Variants in USH2A observed in about 807,000 individuals in gnomAD.
The protein encoded by USH2A is Usher syndrome 2A (autosomal recessive, mild).
USH2A carries 443 observed loss-of-function variants against 538.9 expected under a neutral mutation model. The observed-to-expected ratio is 0.82, with a 90% CI of 0.76 to 0.89. USH2A has a LOEUF of 0.89. Among genes scored for constraint, USH2A ranks in the 40% least tolerant of loss-of-function variants. The probability of loss-of-function intolerance (pLI) is 0.00; values close to 1 mark genes in which losing one functional copy is unlikely to be tolerated. For missense variants in USH2A, 6,633 were observed against 6,324.8 expected, an observed-to-expected ratio of 1.05 and a Z score of -1.65; for synonymous variants, 2,413 against 2,273.5, an observed-to-expected ratio of 1.06 and a Z score of -1.75.
rs111464326 is a variant in USH2A at position 215,858,548 on chromosome 1, C to G, written c.8845+8459G>C. On this transcript the variant is annotated intron_variant, in intron 44 of 71. Coordinates refer to ENST00000307340, the MANE Select transcript of USH2A (RefSeq NM_206933.4). ...TGCCATGATCGTAAGTTTCCTGAGG[C>G]CTTTCCAGCCATGCAGAACTGTGGG... Among the ~76,000 whole-genome samples the G allele has an allele frequency of 6.3e-3, 952 of 150,202 alleles. 11 individuals carry two copies. Among genetic ancestry groups the G allele is most frequent in the African/African-American group, 0.022 (889 of 40,408 alleles).
chr1:216,292,432 G>T, intron 9 of USH2A, 62 bp from the exon 10 acceptor site: 1 of 1,542,102 alleles, frequency 6.5e-7, no homozygotes, highest in Non-Finnish European at 8.9e-7. Flanking sequence ...TCATTTTATT[G>T]ATATGTTAGG....
At chr1:215,943,641 A>G (rs948182443) in intron 37 of USH2A, among the ~76,000 whole-genome samples, 3 of 152,202 alleles carry the variant, frequency 2.0e-5, no homozygotes, top group Non-Finnish European at 2.9e-5. Flanking sequence ...AATGGCTCAC[A>G]GTCAACTAAG....
At chr1:215,938,410 GGC>G (rs1390364631) in intron 37 of USH2A, among the ~76,000 whole-genome samples, 2 of 152,204 alleles carry the variant, frequency 1.3e-5, no homozygotes, top group Non-Finnish European at 2.9e-5. Flanking sequence ...CCTCAATATG[GGC>G]GGGGAGGGGT....
intron 35 of USH2A, among the ~76,000 whole-genome samples, chr1:215,987,042 G>A (rs1667888025): frequency 6.6e-6 from 1 of 151,992 alleles, no homozygotes; most frequent in South Asian, 2.1e-4. Context: ...TATATTTTTA[G>A]TTAGTATTTA....
chr1:215,785,952 C>T (rs932451020), intron 52 of USH2A, among the ~76,000 whole-genome samples: 1 of 151,902 alleles, frequency 6.6e-6, no homozygotes, highest in Non-Finnish European at 1.5e-5. Flanking sequence ...CACACACACA[C>T]ACACACACAC....
intron 69 of USH2A, among the ~76,000 whole-genome samples, chr1:215,638,182 TCTCTC>T (rs1272777712): frequency 6.6e-6 from 1 of 152,196 alleles, no homozygotes; most frequent in Non-Finnish European, 1.5e-5. Context: ...CTTCTTCTGA[TCTCTC>T]CTCTAACTTC....
intron 49 of USH2A, among the ~76,000 whole-genome samples, chr1:215,801,569 G>A (rs1052923883): frequency 4.0e-5 from 6 of 151,874 alleles, no homozygotes; most frequent in African/African-American, 1.4e-4. Context: ...ACTTAAGAAT[G>A]AGCTTACCAA....
intron 44 of USH2A, among the ~76,000 whole-genome samples, chr1:215,848,903 T>C (rs1208658659): frequency 2.0e-5 from 3 of 152,338 alleles, no homozygotes; most frequent in Middle Eastern, 3.4e-3. Flanking sequence ...TAAACTTTGA[T>C]GTACTCTTCC....
At chr1:216,388,489 A>G (rs2039045192) in intron 3 of USH2A, among the ~76,000 whole-genome samples, 2 of 152,188 alleles carry the variant, frequency 1.3e-5, no homozygotes, top group African/African-American at 4.8e-5. Flanking sequence ...CTCTTTGTAT[A>G]TGAATATTAT....
At chr1:216,016,028 T>G (rs1298180482) in intron 32 of USH2A, among the ~76,000 whole-genome samples, 1 of 152,076 alleles carries the variant, frequency 6.6e-6, no homozygotes, top group Non-Finnish European at 1.5e-5. Context: ...AAAGGATGAG[T>G]TCATGTCCTT....
intron 61 of USH2A, among the ~76,000 whole-genome samples, chr1:215,681,118 G>T (rs989080986): frequency 2.0e-5 from 3 of 152,136 alleles, no homozygotes; most frequent in African/African-American, 7.2e-5. Context: ...AAAAGGGATA[G>T]CCTAATTAGG....
intron 60 of USH2A, among the ~76,000 whole-genome samples, 167 bp from the exon 61 acceptor site, chr1:215,728,551 C>T (rs2102713999): frequency 6.7e-6 from 1 of 148,720 alleles, no homozygotes; most frequent in Admixed American, 6.7e-5. Flanking sequence ...ACTCCAGTGG[C>T]CTAACTCCAT....
At position 216,289,353 on chromosome 1, in the gene USH2A, G is replaced by C; in HGVS notation, c.1898C>G (p.Ser633Trp). 1 of 1,613,950 alleles carries C rather than the reference G, an allele frequency of 6.2e-7. No individual in the cohort carries two copies. Among genetic ancestry groups the C allele is most frequent in the South Asian group, 1.1e-5 (1 of 91,074 alleles). The change falls in exon 11 of 72, where the codon TCG becomes TGG. Residue 633 changes from serine to tryptophan, a missense_variant. Transcript: ENST00000307340. ...ACAGGGTTTGCAAACATCTATGGCC[G>C]AAGGATCTGCACCAACTTGTCGGAA... is the stretch of plus-strand genomic sequence containing the variant. The part of the protein sequence containing the change: ...YFFRQVGADP[S>W]AIDVCKPCDC...
chr1:215,718,943 C>T (rs569415418), intron 61 of USH2A, among the ~76,000 whole-genome samples: 17 of 152,272 alleles, frequency 1.1e-4, no homozygotes, highest in East Asian at 1.9e-4. Flanking sequence ...CAAGGCTCCA[C>T]GGGAGTCTTA....
Position 215,671,211 on chromosome 1 carries a change from G to A in USH2A, c.13894C>T (p.Pro4632Ser), listed in dbSNP as rs1397044127. Residue 4632 changes from proline to serine, a missense_variant, in exon 64 of 72, where the codon CCT (proline) becomes TCT (serine). By Grantham distance (74) the Pro-to-Ser change is moderately conservative. Transcript: ENST00000307340. ...AGATGTGGAGGGGGTTGCATCAAAG[G>A]TGCAATCTCAGGGGTCTGTATGAAT... ...WTFIQTPEIA[P>S]LMQPPPHLEV... is the part of the protein sequence containing the mutation. 1.9e-6 allele frequency: 3 copies of A among 1,614,112 alleles called. No homozygotes were observed. The highest frequency in any genetic ancestry group is 3.3e-5 in the Admixed American group (2 of 60,024).
intron 20 of USH2A, among the ~76,000 whole-genome samples, chr1:216,185,234 C>G (rs2034575364): frequency 6.6e-6 from 1 of 151,894 alleles, no homozygotes; most frequent in Admixed American, 6.6e-5. Context: ...TCTCTCAAAT[C>G]AGTTCTCAGA....
At chr1:215,935,104 T>G (rs1325950302) in intron 37 of USH2A, among the ~76,000 whole-genome samples, 1 of 152,046 alleles carries the variant, frequency 6.6e-6, no homozygotes, top group Non-Finnish European at 1.5e-5. Flanking sequence ...GTAAAAGTAT[T>G]GCACAAATGT....
chr1:215,691,416 A>G (rs1366012097), intron 61 of USH2A, among the ~76,000 whole-genome samples: 2 of 152,064 alleles, frequency 1.3e-5, no homozygotes, highest in African/African-American at 4.8e-5. Flanking sequence ...GAAAATTTTA[A>G]AACATACTAA....
rs550629147 is a variant in USH2A, at chr1:216,323,608, A to G, written c.1416T>C (p.Asn472=). 15 of 1,613,574 alleles carry G rather than the reference A, an allele frequency of 9.3e-6. No individual in the cohort carries two copies. In the African/African-American group the frequency reaches 9.3e-5, roughly 10 times the overall value. Residue 472 remains asparagine, a synonymous_variant, in exon 8 of 72, where the codon AAT becomes AAC. Transcript: ENST00000307340. ...TTACGAACTCTTGAAGAGATGGGGT[A>G]TTATAGAAGTTATTGTATCCAGGAC... ...NYRPGYNNFY[N]TPSLQEFVKA... is the part of the protein sequence containing the mutation.
Sources: allele counts gnomAD v4.1 joint callset (sites outside exome capture counted in the v4.1 genomes callset), GRCh38; gene constraint gnomAD v4.1.1; transcripts MANE v1.5; gene names NCBI Gene and HGNC (gene_info 2026-07-23, HGNC 2026-07-21).